ZEB1: variants seen among roughly 807,000 people sequenced by gnomAD.
The protein encoded by ZEB1 is zinc finger E-box binding homeobox 1, also known as zinc finger E-box-binding homeobox 1.
ZEB1 carries 21 observed loss-of-function variants against 84.9 expected under a neutral mutation model. That is an observed-to-expected ratio of 0.25 (90% confidence interval 0.18 to 0.36). ZEB1 has a LOEUF of 0.36. ZEB1 is among the 10% of genes least tolerant of loss of function. The pLI, the probability that ZEB1 is intolerant of heterozygous loss-of-function variation, is 1.00. For synonymous variants in ZEB1, 420 were observed against 471.1 expected (o/e 0.89, Z 1.41); for missense variants, 1,104 against 1,330.2 (o/e 0.83, Z 2.65).
intron 2 of ZEB1, among the ~76,000 whole-genome samples, chr10:31,483,333 AG>A (rs561951402): frequency 3.1e-4 from 47 of 152,158 alleles, no homozygotes; most frequent in Admixed American, 2.9e-3. Flanking sequence ...AGGCTCAGAC[AG>A]GTTAAATATC....
intron 1 of ZEB1, chr10:31,363,767 C>T (rs756862662): frequency 7.5e-5 from 96 of 1,277,276 alleles, no homozygotes; most frequent in Non-Finnish European, 8.2e-5. Flanking sequence ...CTCCAGACCA[C>T]AGGACGCAGG....
intron 1 of ZEB1, among the ~76,000 whole-genome samples, chr10:31,399,966 A>G (rs2051619117): frequency 6.6e-6 from 1 of 152,190 alleles, no homozygotes; most frequent in Admixed American, 6.5e-5. Flanking sequence ...GTATATCTAC[A>G]GGGATCAATC....
intron 2 of ZEB1, among the ~76,000 whole-genome samples, chr10:31,492,811 A>G (rs909033115): frequency 6.6e-6 from 1 of 151,950 alleles, no homozygotes; most frequent in Non-Finnish European, 1.5e-5. Flanking sequence ...AGAATGAATC[A>G]CATTTTCCAT....
At chr10:31,407,650 T>C (rs2053377763) in intron 1 of ZEB1, among the ~76,000 whole-genome samples, 2 of 152,172 alleles carry the variant, frequency 1.3e-5, no homozygotes, top group Non-Finnish European at 2.9e-5. Flanking sequence ...AACCACATGA[T>C]TATCTCAATA....
At chr10:31,407,492 T>A (rs2053339245) in intron 1 of ZEB1, among the ~76,000 whole-genome samples, 2 of 151,970 alleles carry the variant, frequency 1.3e-5, no homozygotes, top group African/African-American at 2.4e-5. Context: ...ATCCAGTCTA[T>A]CATTGTAGGA....
At chr10:31,347,540 C>T (rs1315862955) in intron 1 of ZEB1, among the ~76,000 whole-genome samples, 5 of 152,062 alleles carry the variant, frequency 3.3e-5, no homozygotes, top group Admixed American at 6.6e-5. Context: ...ATTGAAAACA[C>T]TTATTTAGCA....
intron 1 of ZEB1, among the ~76,000 whole-genome samples, chr10:31,406,055 G>A (rs566648149): frequency 6.6e-6 from 1 of 152,158 alleles, no homozygotes; most frequent in Non-Finnish European, 1.5e-5. Context: ...GTATTCCATG[G>A]TGTATATGTG....
chr10:31,494,040 T>TGG (rs2066901108), intron 2 of ZEB1, among the ~76,000 whole-genome samples: 4 of 152,002 alleles, frequency 2.6e-5, no homozygotes, highest in African/African-American at 9.7e-5. Context: ...TCTTACGAGG[T>TGG]AGTAACTCTG....
At chr10:31,325,365 C>T (rs1412173244) in intron 1 of ZEB1, among the ~76,000 whole-genome samples, 1 of 151,934 alleles carries the variant, frequency 6.6e-6, no homozygotes, top group African/African-American at 2.4e-5. Flanking sequence ...TTTTTTCATT[C>T]TCTACAAAGT....
At position 31,454,661 on chromosome 10, in the gene ZEB1, A is replaced by G. The variant is rs141654697; in HGVS notation, c.59-6376A>G. On this transcript the variant is annotated intron_variant, in intron 1 of 8. Coordinates refer to ENST00000424869, the MANE Select transcript of ZEB1 (RefSeq NM_001174096.2). ...AATCATGAGTGAACTCCCATTCACA[A>G]TTACTATTAAAAGAATAAAGTACCT... Among the ~76,000 whole-genome samples the G allele has an allele frequency of 1.7e-4, 26 of 152,324 alleles. No homozygotes were observed. In the East Asian group the frequency reaches 4.6e-3, roughly 27 times the overall value.
chr10:31,495,744 T>G (rs373839664), intron 2 of ZEB1, 32 bp from the exon 3 acceptor site: 4 of 1,610,394 alleles, frequency 2.5e-6, no homozygotes, highest in African/African-American at 1.3e-5. Context: ...AGGAACACTA[T>G]AGATCTATTT....
chr10:31,362,871 G>A (rs1475815706), intron 1 of ZEB1: 1 of 1,296,446 alleles, frequency 7.7e-7, no homozygotes, highest in Non-Finnish European at 1.1e-6. Context: ...TTAGTCTCCT[G>A]AATTTTGATA....
intron 1 of ZEB1, among the ~76,000 whole-genome samples, chr10:31,411,231 A>G (rs1203872108): frequency 6.6e-6 from 1 of 152,212 alleles, no homozygotes; most frequent in Non-Finnish European, 1.5e-5. Context: ...TCACAACTGC[A>G]TGGAAACTGA....
intron 2 of ZEB1, among the ~76,000 whole-genome samples, chr10:31,486,075 TTTA>T (rs2065718606): frequency 6.7e-6 from 1 of 149,926 alleles, no homozygotes; most frequent in African/African-American, 2.5e-5. Flanking sequence ...TTTGATCCTT[TTTA>T]TTAATGAGTA....
intron 1 of ZEB1, among the ~76,000 whole-genome samples, chr10:31,378,634 CT>C (rs895722749): frequency 1.3e-5 from 2 of 151,492 alleles, no homozygotes; most frequent in African/African-American, 4.8e-5. Flanking sequence ...TAAAGAAAAA[CT>C]TTTTTTTCTT....
chr10:31,501,298 G>T (rs766198652), intron 3 of ZEB1, among the ~76,000 whole-genome samples: 8 of 152,202 alleles, frequency 5.3e-5, no homozygotes, highest in Non-Finnish European at 8.8e-5. Context: ...GAAAACCATA[G>T]TGCAGCAATA....
At chr10:31,451,305 T>TG (rs2060537726) in intron 1 of ZEB1, among the ~76,000 whole-genome samples, 1 of 152,200 alleles carries the variant, frequency 6.6e-6, no homozygotes, top group African/African-American at 2.4e-5. Context: ...ATTTTAATAT[T>TG]GAACATTCGT....
At chr10:31,502,930 A>T (rs1346348069) in intron 4 of ZEB1, among the ~76,000 whole-genome samples, 5 of 152,116 alleles carry the variant, frequency 3.3e-5, no homozygotes, top group African/African-American at 1.2e-4. Flanking sequence ...GCCTTAGTCC[A>T]CTCTGATATG....
rs576331170 is a variant in ZEB1 at position 31,372,805 on chromosome 10, CTT to C, written c.58+53517_58+53518del. Among the ~76,000 whole-genome samples, 359 of 151,808 alleles carry C rather than the reference CTT, an allele frequency of 2.4e-3. 1 individual carries two copies. The highest frequency in any genetic ancestry group is 5.3e-3 in the Admixed American group (80 of 15,230). ...TTGGGTTATAGGATAATTGGGGTAA[CTT>C]TTTGGTGAGGGATTGAAATTTTCTT... On this transcript the variant is annotated intron_variant, in intron 1 of 8. Coordinates refer to ENST00000424869, the MANE Select transcript of ZEB1 (RefSeq NM_001174096.2).
Sources: allele counts gnomAD v4.1 joint callset (sites outside exome capture counted in the v4.1 genomes callset), GRCh38; gene constraint gnomAD v4.1.1; transcripts MANE v1.5; gene names NCBI Gene and HGNC (gene_info 2026-07-23, HGNC 2026-07-21).